Variants in NEGR1 observed in about 807,000 individuals in gnomAD.
NEGR1 encodes the protein neuronal growth regulator 1, also known as IgLON family member 4.
A neutral mutation model predicts 40.9 loss-of-function variants in NEGR1; 10 were observed. That is an observed-to-expected ratio of 0.24 (90% CI 0.15 to 0.42). The LOEUF (loss-of-function observed/expected upper bound fraction) is 0.42, where lower values mean the gene tolerates loss of function less well. Ranked by LOEUF, NEGR1 falls within the 10% of genes least tolerant of loss-of-function variation. The pLI, the probability that NEGR1 is intolerant of heterozygous loss-of-function variation, is 1.00. For missense variants in NEGR1, 352 were observed against 438.9 expected, an observed-to-expected ratio of 0.80 and a Z score of 1.77; for synonymous variants, 185 against 166.8, an observed-to-expected ratio of 1.11 and a Z score of -0.84.
intron 3 of NEGR1, among the ~76,000 whole-genome samples, chr1:71,752,098 T>C (rs1655589056): frequency 6.6e-6 from 1 of 152,206 alleles, no homozygotes; most frequent in African/African-American, 2.4e-5. Context: ...CGAAATAAAG[T>C]ATTGCCCTTC....
intron 6 of NEGR1, among the ~76,000 whole-genome samples, chr1:71,469,388 C>A (rs912280750): frequency 6.6e-6 from 1 of 151,994 alleles, no homozygotes; most frequent in African/African-American, 2.4e-5. Context: ...ATTAAAAAAA[C>A]ATAATTTGCT....
intron 1 of NEGR1, among the ~76,000 whole-genome samples, chr1:72,048,090 T>G (rs1647019463): frequency 6.6e-6 from 1 of 151,608 alleles, no homozygotes; most frequent in Admixed American, 6.6e-5. Context: ...GCCTTTCTAT[T>G]TCACAACTTC....
intron 1 of NEGR1, among the ~76,000 whole-genome samples, chr1:72,024,305 GT>G (rs921386045): frequency 2.7e-5 from 4 of 150,540 alleles, no homozygotes; most frequent in Non-Finnish European, 4.4e-5. Flanking sequence ...TGTTTTCATG[GT>G]TTTTTTTTCT....
intron 1 of NEGR1, among the ~76,000 whole-genome samples, chr1:72,061,224 C>A (rs1647167225): frequency 6.6e-6 from 1 of 151,696 alleles, no homozygotes; most frequent in Admixed American, 6.6e-5. Flanking sequence ...TAAAAACTGT[C>A]TTCTCTGGTC....
intron 2 of NEGR1, among the ~76,000 whole-genome samples, chr1:71,869,704 T>C (rs17091869): frequency 0.25 from 37,285 of 151,956 alleles, 4,871 homozygotes; most frequent in East Asian, 0.51. Context: ...ATGGAGTATA[T>C]ATTCAAGTCA....
intron 2 of NEGR1, among the ~76,000 whole-genome samples, chr1:71,823,042 A>C (rs1164842570): frequency 3.3e-5 from 5 of 152,004 alleles, no homozygotes; most frequent in African/African-American, 9.7e-5. Flanking sequence ...GTTAGGAAGA[A>C]TACAAAGGTC....
At chr1:71,505,984 G>A (rs1228648623) in intron 6 of NEGR1, among the ~76,000 whole-genome samples, 1 of 152,124 alleles carries the variant, frequency 6.6e-6, no homozygotes, top group East Asian at 1.9e-4. Flanking sequence ...AGAAAAAAAA[G>A]TTAAATATTT....
intron 1 of NEGR1, among the ~76,000 whole-genome samples, chr1:71,942,200 T>C (rs1645965417): frequency 6.6e-6 from 1 of 151,018 alleles, no homozygotes; most frequent in East Asian, 1.9e-4. Flanking sequence ...TTAAAATATT[T>C]TGGATACAAG....
intron 1 of NEGR1, among the ~76,000 whole-genome samples, chr1:72,179,797 T>TA (rs957953976): frequency 3.8e-4 from 58 of 151,446 alleles, no homozygotes; most frequent in African/African-American, 1.2e-3. Context: ...AACAATAGCT[T>TA]AAAAAAAACC....
intron 1 of NEGR1, among the ~76,000 whole-genome samples, chr1:72,050,595 C>T (rs1261102048): frequency 6.6e-6 from 1 of 151,458 alleles, no homozygotes. Context: ...ATATATTTTA[C>T]TTGTGTGATG....
chr1:72,095,365 A>C (rs1648658400), intron 1 of NEGR1, among the ~76,000 whole-genome samples: 1 of 152,076 alleles, frequency 6.6e-6, no homozygotes, highest in Non-Finnish European at 1.5e-5. Context: ...TTCTTATTTG[A>C]TAATTCTTTT....
chr1:72,270,760 A>G (rs994565904), intron 1 of NEGR1, among the ~76,000 whole-genome samples: 1 of 151,798 alleles, frequency 6.6e-6, no homozygotes. Flanking sequence ...TCTCACTTCA[A>G]GTAAGTGAAT....
intron 1 of NEGR1, among the ~76,000 whole-genome samples, chr1:72,160,308 T>C (rs1651505207): frequency 6.6e-6 from 1 of 152,116 alleles, no homozygotes; most frequent in Non-Finnish European, 1.5e-5. Flanking sequence ...CAAAATACTT[T>C]CAAATTCCCT....
At chr1:71,827,383 C>T (rs1016125971) in intron 2 of NEGR1, among the ~76,000 whole-genome samples, 14 of 151,782 alleles carry the variant, frequency 9.2e-5, no homozygotes, top group South Asian at 2.1e-4. Flanking sequence ...AAAGGGTCTA[C>T]GACTCTTACC....
intron 3 of NEGR1, among the ~76,000 whole-genome samples, chr1:71,767,880 C>A (rs939505863): frequency 2.0e-5 from 3 of 152,184 alleles, no homozygotes; most frequent in African/African-American, 7.2e-5. Context: ...CTCAAAGGGG[C>A]CCATATAAAG....
intron 1 of NEGR1, among the ~76,000 whole-genome samples, chr1:72,201,188 A>G (rs1460031604): frequency 6.6e-6 from 1 of 151,752 alleles, no homozygotes; most frequent in Non-Finnish European, 1.5e-5. Context: ...CATTTCATTT[A>G]AAAGTATCTT....
At chr1:72,192,135 T>C (rs1422731115) in intron 1 of NEGR1, among the ~76,000 whole-genome samples, 1 of 151,928 alleles carries the variant, frequency 6.6e-6, no homozygotes, top group African/African-American at 2.4e-5. Flanking sequence ...GCTTGGGATA[T>C]TCATAGAGCT....
chr1:72,106,133 G>A (rs1016977681), intron 1 of NEGR1, among the ~76,000 whole-genome samples: 38 of 152,080 alleles, frequency 2.5e-4, no homozygotes, highest in African/African-American at 8.4e-4. Context: ...AAATAATAAT[G>A]GCAAAGTTAA....
intron 6 of NEGR1, among the ~76,000 whole-genome samples, chr1:71,560,267 CTAA>C (rs1410815698): frequency 2.0e-5 from 3 of 150,842 alleles, no homozygotes; most frequent in Non-Finnish European, 4.4e-5. Context: ...CAAGGTTAAG[CTAA>C]TAAGTAGCTA....
Sources: allele counts gnomAD v4.1 joint callset (sites outside exome capture counted in the v4.1 genomes callset), GRCh38; gene constraint gnomAD v4.1.1; transcripts MANE v1.5; gene names NCBI Gene and HGNC (gene_info 2026-07-23, HGNC 2026-07-21).